TBC1D2: variants seen among roughly 807,000 people sequenced by gnomAD.
TBC1D2 encodes the protein TBC1 domain family member 2A.
In TBC1D2, 58 loss-of-function variants were observed where a neutral mutation model predicts 91.1. The observed-to-expected ratio is 0.64, with a 90% CI of 0.52 to 0.79. The LOEUF (loss-of-function observed/expected upper bound fraction) is 0.79. TBC1D2 is among the 30% of genes least tolerant of loss of function. The probability of loss-of-function intolerance (pLI) is 0.00; values close to 1 mark genes in which losing one functional copy is unlikely to be tolerated. For missense variants in TBC1D2, 1,080 were observed against 1,208.3 expected, an observed-to-expected ratio of 0.89 and a Z score of 1.57; for synonymous variants, 482 against 511.5, an observed-to-expected ratio of 0.94 and a Z score of 0.78.
intron 9 of TBC1D2, 54 bp from the exon 10 acceptor site, chr9:98,203,462 C>T: frequency 6.2e-7 from 1 of 1,601,886 alleles, no homozygotes; most frequent in Non-Finnish European, 8.5e-7. Flanking sequence ...CCCTGCCAGG[C>T]AGCACATGGC....
intron 7 of TBC1D2, among the ~76,000 whole-genome samples, chr9:98,212,425 G>A (rs1037280298): frequency 6.6e-6 from 1 of 151,856 alleles, no homozygotes; most frequent in African/African-American, 2.4e-5. Context: ...ACTCAATTCA[G>A]AAGGTACCTC....
chr9:98,244,746 CTT>C (rs1829730410), intron 2 of TBC1D2, among the ~76,000 whole-genome samples: 1 of 145,402 alleles, frequency 6.9e-6, no homozygotes, highest in Non-Finnish European at 1.5e-5. Flanking sequence ...GCAGACAAAA[CTT>C]TATGTGCCAA....
rs77093962 is a variant in TBC1D2, at chr9:98,201,677, G to T, written c.2272-13C>A. 1 of 1,604,498 alleles carries T rather than the reference G, an allele frequency of 6.2e-7. No individual in the cohort carries two copies. ...CCCGCTGGTCCACCTGGAAGCCAGC[G>T]AGAGGGCCTGTCATCTGCAGCCCCA... On this transcript the variant is annotated splice_polypyrimidine_tract_variant and intron_variant, in intron 10 of 12. Coordinates refer to ENST00000465784, the MANE Select transcript of TBC1D2 (RefSeq NM_001267571.2).
intron 9 of TBC1D2, among the ~76,000 whole-genome samples, chr9:98,208,126 C>T (rs1828704905): frequency 6.6e-6 from 1 of 152,102 alleles, no homozygotes; most frequent in Non-Finnish European, 1.5e-5. Flanking sequence ...TTGTACGTCC[C>T]CAAGCACAAA....
intron 2 of TBC1D2, among the ~76,000 whole-genome samples, chr9:98,246,185 C>T (rs1829760040): frequency 6.6e-6 from 1 of 152,174 alleles, no homozygotes; most frequent in South Asian, 2.1e-4. Context: ...GATTAGACAG[C>T]CCCTGAGACC....
chr9:98,211,452 C>A (rs1303665068), intron 7 of TBC1D2, among the ~76,000 whole-genome samples: 1 of 152,150 alleles, frequency 6.6e-6, no homozygotes, highest in Non-Finnish European at 1.5e-5. Flanking sequence ...GACACTCCCC[C>A]CAACCCTACC....
rs961572332 is a variant in TBC1D2, at chr9:98,199,106, G to A, written c.*275C>T. On this transcript the variant is annotated 3_prime_UTR_variant, in exon 13 of 13. Coordinates refer to ENST00000465784, the MANE Select transcript of TBC1D2 (RefSeq NM_001267571.2). Reference sequence around the variant, plus strand: ...TTCCAGGTTACCCTATAGAGGCAGTGCTCTTGCTTGTTTACATGCCAAAGT... The same window carrying A: ...TTCCAGGTTACCCTATAGAGGCAGTACTCTTGCTTGTTTACATGCCAAAGT... The A allele has an allele frequency of 2.9e-5, 17 of 582,866 alleles. No homozygotes were observed. Among genetic ancestry groups the A allele is most frequent in the African/African-American group, 1.9e-4 (10 of 53,630 alleles). The allele number at this position is 582,866 out of a possible 1,614,324, so 36.1% of individuals were successfully genotyped here.
chr9:98,209,231 G>T, intron 8 of TBC1D2, 87 bp from the exon 9 acceptor site: 1 of 1,334,172 alleles, frequency 7.5e-7, no homozygotes, highest in Non-Finnish European at 1.1e-6. Flanking sequence ...CCCAGGCCAG[G>T]TTCCTGCCCT....
intron 3 of TBC1D2, among the ~76,000 whole-genome samples, chr9:98,236,111 T>C (rs1030876188): frequency 3.3e-5 from 5 of 151,988 alleles, no homozygotes; most frequent in Non-Finnish European, 2.9e-5. Context: ...ATCTTACACA[T>C]ACTTGTCTTA....
chr9:98,224,112 G>T (rs888855870), intron 5 of TBC1D2, among the ~76,000 whole-genome samples: 59 of 151,764 alleles, frequency 3.9e-4, no homozygotes, highest in Non-Finnish European at 6.9e-4. Context: ...AGGCAGAATG[G>T]TGTGAACCCG....
At chr9:98,214,229 C>T (rs1259159844) in intron 6 of TBC1D2, among the ~76,000 whole-genome samples, 2 of 146,258 alleles carry the variant, frequency 1.4e-5, no homozygotes, top group African/African-American at 5.1e-5. Flanking sequence ...ATCACATGTG[C>T]AAGCGATGCT....
intron 8 of TBC1D2, among the ~76,000 whole-genome samples, chr9:98,209,484 C>T (rs1263802850): frequency 6.6e-6 from 1 of 152,166 alleles, no homozygotes; most frequent in Non-Finnish European, 1.5e-5. Context: ...CAGCCTTAGG[C>T]CCAAGGAGTC....
intron 11 of TBC1D2, 28 bp from the exon 12 acceptor site, chr9:98,200,402 G>A: frequency 6.4e-7 from 1 of 1,570,014 alleles, no homozygotes; most frequent in East Asian, 2.3e-5. Flanking sequence ...GCTCAGGTAG[G>A]GCATGGGGGG....
chr9:98,229,478 C>T (rs1829316783), intron 4 of TBC1D2, among the ~76,000 whole-genome samples: 1 of 152,224 alleles, frequency 6.6e-6, no homozygotes, highest in Admixed American at 6.5e-5. Context: ...TATCTCATGC[C>T]ACCCTGCTGG....
intron 6 of TBC1D2, among the ~76,000 whole-genome samples, chr9:98,219,758 G>T (rs1829050691): frequency 6.6e-6 from 1 of 152,226 alleles, no homozygotes; most frequent in African/African-American, 2.4e-5. Flanking sequence ...ATGTGACAGG[G>T]ATTTTTCTGC....
Position 98,251,792 on chromosome 9 carries a change from G to T in TBC1D2, c.504C>A (p.Leu168=), listed in dbSNP as rs777046207. The T allele has an allele frequency of 1.2e-5, 19 of 1,582,890 alleles. No homozygotes were observed. Among genetic ancestry groups the T allele is most frequent in the Non-Finnish European group, 1.5e-5 (18 of 1,166,530 alleles). Residue 168 remains leucine (L), a synonymous_variant, in exon 2 of 13, where the codon CTC becomes CTA. Transcript: ENST00000465784. ...ALAGNGPVLH[L]ELGQEEAELE... ...GGGTAGCCCATTGGGTACCTAGCTC[G>T]AGGTGCAGGACGGGCCCATTCCCAG...
rs534775698 is a variant in TBC1D2, at chr9:98,208,696, T to C, written c.2122A>G (p.Thr708Ala). 6.5e-7 allele frequency: 1 copy of C among 1,534,582 alleles called. No homozygotes were observed. Among genetic ancestry groups the C allele is most frequent in the South Asian group, 1.3e-5 (1 of 79,528 alleles). The change falls in exon 9 of 13, where the codon ACC becomes GCC. Residue 708 changes from threonine (T) to alanine (A), a missense_variant. Transcript: ENST00000465784. The stretch of plus-strand genomic sequence containing the variant: ...TTCAGGCCCTGGCAGTAGCCGATGG[T>C]GGGGTTCTGCCAGGAGAAGGCCAGC... ...VLLAFSWQNP[T>A]IGYCQGLNRL...
intron 6 of TBC1D2, chr9:98,213,560 A>G (rs1828901740): frequency 6.1e-6 from 2 of 326,180 alleles, no homozygotes; most frequent in Non-Finnish European, 1.0e-5. Flanking sequence ...TGGGAAACTA[A>G]GTGAGATAAT....
chr9:98,252,838 G>A (rs58885814), intron 1 of TBC1D2, among the ~76,000 whole-genome samples: 18,285 of 152,164 alleles, frequency 0.12, 2,538 homozygotes, highest in African/African-American at 0.34. Context: ...AAGGCCACAT[G>A]AGAACAACAG....
Sources: gnomAD v4.1 joint callset for allele counts (sites outside exome capture counted in the v4.1 genomes callset) on GRCh38, gnomAD v4.1.1 for gene constraint, MANE v1.5 for transcripts, NCBI Gene and HGNC (gene_info 2026-07-23, HGNC 2026-07-21) for gene names.